The following TTC22 variants were observed in gnomAD, a reference collection of about 807,000 sequenced individuals.
The protein encoded by TTC22 is tetratricopeptide repeat domain 22, also known as tetratricopeptide repeat protein 22.
In TTC22, 42 loss-of-function variants were observed where a neutral mutation model predicts 48.2. That is an observed-to-expected ratio of 0.87 (90% CI 0.68 to 1.13). TTC22 has a LOEUF of 1.13. Among genes scored for constraint, TTC22 ranks in the 50% most tolerant of loss-of-function variants. The pLI is 0.00. For synonymous variants in TTC22, 345 were observed against 365.5 expected (o/e 0.94, Z 0.64); for missense variants, 784 against 807.0 (o/e 0.97, Z 0.34).
chr1:54,786,313 A>G (rs1476151482), intron 4 of TTC22, 169 bp from the exon 5 acceptor site: 1 of 603,104 alleles, frequency 1.7e-6, no homozygotes, highest in Non-Finnish European at 2.9e-6. Flanking sequence ...CACATCACGA[A>G]GCCCCAACAC....
In TTC22 at chr1:54,791,925, C is replaced by T. The variant is rs145272644; in HGVS notation, c.568-3828G>A. 5.2e-3 allele frequency among the ~76,000 whole-genome samples: 789 copies of T among 152,138 alleles called. 10 individuals carry two copies. The highest frequency in any genetic ancestry group is 0.018 in the African/African-American group (746 of 41,488). On this transcript the variant is annotated intron_variant, in intron 1 of 6. Coordinates refer to ENST00000371276, the MANE Select transcript of TTC22 (RefSeq NM_001114108.2). ...CTGATCAATCTCCTTACTAGATATC[C>T]GAGGACACCGAGACAAGAGAGGCGA...
chr1:54,798,356 C>T (rs1331656150), intron 1 of TTC22, among the ~76,000 whole-genome samples: 3 of 152,228 alleles, frequency 2.0e-5, no homozygotes, highest in Non-Finnish European at 4.4e-5. Context: ...TGTTCCCTCT[C>T]TGCCTCAGTC....
Position 54,781,371 on chromosome 1 carries a change from C to A in TTC22, c.1582G>T (p.Val528Leu). Residue 528 changes from valine (V) to leucine (L), a missense_variant, in exon 7 of 7, where the codon GTG becomes TTG. Physicochemically the swap from Val to Leu is conservative, Grantham distance 32 (BLOSUM62 1). Coordinates refer to ENST00000371276, the MANE Select transcript of TTC22 (RefSeq NM_001114108.2). Reference sequence around the variant, plus strand: ...ACCAGGGCCCGGGCCAGCCCCAACACCTCGTCCGTGTGCCCGCGCCACACG... The same window carrying A: ...ACCAGGGCCCGGGCCAGCCCCAACAACTCGTCCGTGTGCCCGCGCCACACG... ...QRVWRGHTDE[V>L]LGLARALVAQ... The A allele has an allele frequency of 7.2e-7, 1 of 1,391,670 alleles. No individual in the cohort carries two copies. Among genetic ancestry groups the A allele is most frequent in the Non-Finnish European group, 9.2e-7 (1 of 1,084,520 alleles). The allele number at this position is 1,391,670 out of a possible 1,614,324, so 86.2% of individuals were successfully genotyped here. A position where few individuals can be genotyped will look rare whatever the true frequency, so the allele number is the denominator to read the frequency against.
intron 1 of TTC22, among the ~76,000 whole-genome samples, chr1:54,798,691 G>A (rs1242872059): frequency 1.3e-5 from 2 of 152,198 alleles, no homozygotes; most frequent in African/African-American, 2.4e-5. Context: ...TAGAGGCAGG[G>A]ACTTCTTAAA....
intron 1 of TTC22, among the ~76,000 whole-genome samples, chr1:54,788,794 AG>A (rs1646327056): frequency 2.0e-5 from 3 of 151,848 alleles, no homozygotes; most frequent in Admixed American, 2.0e-4. Flanking sequence ...GCTGTGGGGG[AG>A]GGGGACCCAT....
Position 54,780,034 on chromosome 1 carries a change from A to G in TTC22, c.*1209T>C, listed in dbSNP as rs1645492546. ...CTCAGGAGGCTGAGGTACGAGAATC[A>G]CTTGAACTTGGGAGGCTGAGGTTTC... On this transcript the variant is annotated 3_prime_UTR_variant, in exon 7 of 7. Transcript: ENST00000371276. 6.6e-6 allele frequency: 1 copy of G among 152,252 alleles called. No individual in the cohort carries two copies. The highest frequency in any genetic ancestry group is 1.5e-5 in the Non-Finnish European group (1 of 68,094). 9.4% of individuals were successfully genotyped at this position (152,252 alleles called of 1,614,324 possible).
chr1:54,781,717 C>A lies in TTC22; in HGVS notation c.1236G>T (p.Leu412=). Residue 412 remains leucine (L), a synonymous_variant, in exon 7 of 7, where the codon CTG becomes CTT. Coordinates refer to ENST00000371276, the MANE Select transcript of TTC22 (RefSeq NM_001114108.2). ...QELLAVDEAA[L]NQALVFLAKA... ...TGGCCAGGAACACCAGCGCCTGGTT[C>A]AGCGCCGCCTCGTCCACCGCCAGCA... 1 of 1,522,188 alleles carries A rather than the reference C, an allele frequency of 6.6e-7. No individual in the cohort carries two copies. The highest frequency in any genetic ancestry group is 8.8e-7 in the Non-Finnish European group (1 of 1,140,022). 94.3% of individuals were successfully genotyped at this position (1,522,188 alleles called of 1,614,324 possible).
At chr1:54,781,948 A>G (rs1293903222) in intron 6 of TTC22, among the ~76,000 whole-genome samples, 169 bp from the exon 7 acceptor site, 1 of 152,206 alleles carries the variant, frequency 6.6e-6, no homozygotes, top group Non-Finnish European at 1.5e-5. Context: ...GAAAAGGAGT[A>G]CCCCGATTCC....
At position 54,786,160 on chromosome 1, in the gene TTC22, G is replaced by A. The variant is rs747160758; in HGVS notation, c.859-16C>T. 9.9e-6 allele frequency: 16 copies of A among 1,612,402 alleles called. No individual in the cohort carries two copies. The highest frequency in any genetic ancestry group is 1.4e-5 in the Non-Finnish European group (16 of 1,179,134). On this transcript the variant is annotated splice_polypyrimidine_tract_variant and intron_variant, in intron 4 of 6. Transcript: ENST00000371276. ...TCTCAATGGCCTAGGTAAGGGAGGA[G>A]TGCAAAAACAAACCACTTGCTTGGT...
chr1:54,788,982 C>A (rs535711462), intron 1 of TTC22, among the ~76,000 whole-genome samples: 1 of 152,222 alleles, frequency 6.6e-6, no homozygotes, highest in Non-Finnish European at 1.5e-5. Context: ...TAGGATGCCA[C>A]TCAGTGCCTG....
intron 1 of TTC22, among the ~76,000 whole-genome samples, chr1:54,796,554 A>G (rs995896185): frequency 6.6e-6 from 1 of 152,232 alleles, no homozygotes; most frequent in Non-Finnish European, 1.5e-5. Flanking sequence ...CGGTGCACAG[A>G]CACCATTGCG....
Position 54,801,224 on chromosome 1 carries a change from T to G in TTC22, c.-61A>C. 6.5e-7 allele frequency: 1 copy of G among 1,534,190 alleles called. No individual in the cohort carries two copies. Among genetic ancestry groups the G allele is most frequent in the African/African-American group, 1.4e-5 (1 of 72,480 alleles). ...CCCTGAGGCTGTGGAGGGCAGTGGATGGGGGCGTTCCCCGAGCGAGCTCCG... is the reference window on the plus strand; with the variant it reads ...CCCTGAGGCTGTGGAGGGCAGTGGAGGGGGGCGTTCCCCGAGCGAGCTCCG... On this transcript the variant is annotated 5_prime_UTR_variant, in exon 1 of 7. Coordinates refer to ENST00000371276, the MANE Select transcript of TTC22 (RefSeq NM_001114108.2).
At position 54,800,743 on chromosome 1, in the gene TTC22, C is replaced by A; in HGVS notation, c.421G>T (p.Asp141Tyr). 6.5e-7 allele frequency: 1 copy of A among 1,545,488 alleles called. No individual in the cohort carries two copies. ...GLAEEPEAAGDPQLRAARCLA... is the reference protein window; with the variant it reads ...GLAEEPEAAGYPQLRAARCLA... ...CAGCGAGCGGCGCGGAGCTGGGGGTCCCCGGCGGCCTCGGGCTCCTCTGCC... is the reference window on the plus strand; with the variant it reads ...CAGCGAGCGGCGCGGAGCTGGGGGTACCCGGCGGCCTCGGGCTCCTCTGCC... The change falls in exon 1 of 7, where the codon GAC (aspartate) becomes TAC (tyrosine). Residue 141 changes from aspartate to tyrosine, a missense_variant. Physicochemically the swap from Asp to Tyr is radical, Grantham distance 160 (BLOSUM62 -3). Coordinates refer to ENST00000371276, the MANE Select transcript of TTC22 (RefSeq NM_001114108.2).
chr1:54,798,391 G>A (rs561351075), intron 1 of TTC22, among the ~76,000 whole-genome samples: 4 of 152,180 alleles, frequency 2.6e-5, no homozygotes, highest in Admixed American at 1.3e-4. Context: ...CACAGGGCCC[G>A]GACTTTCCAG....
rs749438205 is a variant in TTC22, at chr1:54,800,606, G to A, written c.558C>T (p.Tyr186=). 1.9e-5 allele frequency: 29 copies of A among 1,527,846 alleles called. No individual in the cohort carries two copies. The highest frequency in any genetic ancestry group is 2.4e-5 in the Non-Finnish European group (28 of 1,150,426). 94.6% of individuals were successfully genotyped at this position (1,527,846 alleles called of 1,614,324 possible). ...GACAGGGGTCACCTACCTGCTGCCC[G>A]TAGCCTAGCGCCTTGTCGTAGAGCG... The part of the protein sequence containing the change: ...GIALYDKALG[Y]GQQIPMEEKR... The change falls in exon 1 of 7, where the codon TAC becomes TAT. Residue 186 remains tyrosine, a synonymous_variant. Coordinates refer to ENST00000371276, the MANE Select transcript of TTC22 (RefSeq NM_001114108.2).
rs1415765355 is a variant in TTC22, at chr1:54,781,770, A to C, written c.1183T>G (p.Tyr395Asp). Residue 395 changes from tyrosine to aspartate, a missense_variant, in exon 7 of 7, where the codon TAT (tyrosine) becomes GAT (aspartate). Coordinates refer to ENST00000371276, the MANE Select transcript of TTC22 (RefSeq NM_001114108.2). ...AYLDIGQVYY[Y>D]MGVDAVQELL... ...TCCTGCACCGCGTCCACGCCCATATAGTAGTAGACCTGGGGTCGGGGACGC... is the reference window on the plus strand; with the variant it reads ...TCCTGCACCGCGTCCACGCCCATATCGTAGTAGACCTGGGGTCGGGGACGC... 2.8e-6 allele frequency: 4 copies of C among 1,449,558 alleles called. No individual in the cohort carries two copies. Among genetic ancestry groups the C allele is most frequent in the Non-Finnish European group, 3.6e-6 (4 of 1,103,406 alleles). The allele number at this position is 1,449,558 out of a possible 1,614,324, so 89.8% of individuals were successfully genotyped here.
chr1:54,786,047 T>G lies in TTC22; in HGVS notation c.956A>C (p.Asn319Thr), dbSNP rs762660028. The change falls in exon 5 of 7, where the codon AAC becomes ACC. Residue 319 changes from asparagine to threonine, a missense_variant. By Grantham distance (65) the Asn-to-Thr change is moderately conservative (BLOSUM62 0). Transcript: ENST00000371276. ...ATCTCGTAGGACATCCAGGGCCATG[T>G]TGCAGGTTCCAATGGCCATATCCTG... ...GKQDMAIGTC[N>T]MALDVLRDPE... is the part of the protein sequence containing the mutation. 6.2e-7 allele frequency: 1 copy of G among 1,614,022 alleles called. No homozygotes were observed. Among genetic ancestry groups the G allele is most frequent in the African/African-American group, 1.3e-5 (1 of 74,926 alleles).
chr1:54,791,535 G>C (rs1199455808), intron 1 of TTC22, among the ~76,000 whole-genome samples: 1 of 152,128 alleles, frequency 6.6e-6, no homozygotes, highest in Non-Finnish European at 1.5e-5. Flanking sequence ...AGTAGGGTTA[G>C]TGTTCCCTAG....
At chr1:54,790,745 G>T (rs931808859) in intron 1 of TTC22, among the ~76,000 whole-genome samples, 2 of 152,118 alleles carry the variant, frequency 1.3e-5, no homozygotes, top group African/African-American at 4.8e-5. Context: ...GGCACATGGG[G>T]TGCCTCAGGC....
Sources: allele counts gnomAD v4.1 joint callset (sites outside exome capture counted in the v4.1 genomes callset), GRCh38; gene constraint gnomAD v4.1.1; transcripts MANE v1.5; gene names NCBI Gene and HGNC (gene_info 2026-07-23, HGNC 2026-07-21).